RNF207: variants seen among roughly 807,000 people sequenced by gnomAD.
RNF207 encodes the protein OTTHUMG00000001089.
In RNF207, 72 loss-of-function variants were observed where a neutral mutation model predicts 79.0. That is an observed-to-expected ratio of 0.91 (90% CI 0.75 to 1.11). The LOEUF is 1.11. RNF207 is among the 50% of genes least tolerant of loss of function. RNF207 has a pLI of 0.00. For synonymous variants in RNF207, 348 were observed against 366.2 expected (o/e 0.95, Z 0.57); for missense variants, 936 against 855.8 (o/e 1.09, Z -1.17).
intron 10 of RNF207, 50 bp downstream of exon 10, chr1:6,210,488 C>G (rs2100930616): frequency 6.7e-7 from 1 of 1,483,238 alleles, no homozygotes; most frequent in East Asian, 2.3e-5. Flanking sequence ...AGGAGCCCAC[C>G]CTGCAGACCA....
rs1281509941 is a variant in RNF207 at position 6,214,816 on chromosome 1, A to T, written c.1652+1633A>T. On this transcript the variant is annotated intron_variant, in intron 16 of 17. Transcript: ENST00000377939. ...CGCCTGGCTAATTTTTTGTATTTTT[A>T]GTAGAGACGGGGGTTTCACCATGTT... is the stretch of plus-strand genomic sequence containing the variant. Among the ~76,000 whole-genome samples the T allele has an allele frequency of 6.6e-5, 10 of 150,404 alleles. No homozygotes were observed. In the South Asian group the frequency reaches 1.9e-3, roughly 29 times the overall value.
Position 6,218,378 on chromosome 1 carries a change from AGT to A in RNF207, c.1733+10_1733+11del. ...AACGCGGCCTCAGCCAGGTAAAGCA[AGT>A]CTCTCCACTGGAGAGTGTGCACGCG... On this transcript the variant is annotated intron_variant, in intron 17 of 17. Coordinates refer to ENST00000377939, the MANE Select transcript of RNF207 (RefSeq NM_207396.3). 1 of 1,604,988 alleles carries A rather than the reference AGT, an allele frequency of 6.2e-7. No homozygotes were observed. The highest frequency in any genetic ancestry group is 8.5e-7 in the Non-Finnish European group (1 of 1,172,006).
chr1:6,218,512 A>T lies in RNF207; in HGVS notation c.1733+143A>T. On this transcript the variant is annotated intron_variant, in intron 17 of 17. Transcript: ENST00000377939. ...GCCTCTTTGTAAAACAAGGGGTCAGAGAGGCTCTCAGCCCAGATGAGTAAC... is the reference window on the plus strand; with the variant it reads ...GCCTCTTTGTAAAACAAGGGGTCAGTGAGGCTCTCAGCCCAGATGAGTAAC... 8.1e-6 allele frequency: 5 copies of T among 620,514 alleles called. No homozygotes were observed. In the South Asian group the frequency reaches 1.0e-4, roughly 12 times the overall value. 38.4% of individuals were successfully genotyped at this position (620,514 alleles called of 1,614,324 possible).
Position 6,211,009 on chromosome 1 carries a change from C to T in RNF207, c.1012-12C>T, listed in dbSNP as rs767894644. 12 of 1,605,212 alleles carry T rather than the reference C, an allele frequency of 7.5e-6. No individual in the cohort carries two copies. Among genetic ancestry groups the T allele is most frequent in the Non-Finnish European group, 9.4e-6 (11 of 1,176,402 alleles). On this transcript the variant is annotated splice_polypyrimidine_tract_variant and intron_variant, in intron 11 of 17. Coordinates refer to ENST00000377939, the MANE Select transcript of RNF207 (RefSeq NM_207396.3). The surrounding 1 kb of genome is among the most constrained non-coding windows in gnomAD (Gnocchi z 4.2). The stretch of plus-strand genomic sequence containing the variant: ...AGTGGAGGCCACCTCATGACCCCAT[C>T]CCGCTGCCCAGATTGCCAGTGACCA...
chr1:6,210,979 A>G (rs1174878818), intron 11 of RNF207, 41 bp downstream of exon 11: 1 of 1,597,810 alleles, frequency 6.3e-7, no homozygotes, highest in Admixed American at 1.7e-5. Context: ...GGGGCCCTGC[A>G]GGGCAGTGGA....
intron 13 of RNF207, 61 bp downstream of exon 13, chr1:6,212,114 C>A: frequency 6.5e-7 from 1 of 1,544,492 alleles, no homozygotes; most frequent in Non-Finnish European, 8.8e-7. Context: ...CACCAAGGTA[C>A]GCTCAGGGAA....
intron 16 of RNF207, among the ~76,000 whole-genome samples, chr1:6,216,894 G>A (rs1473136485): frequency 6.6e-6 from 1 of 151,934 alleles, no homozygotes; most frequent in Non-Finnish European, 1.5e-5. Context: ...TTTAAAGACA[G>A]GGTCTTTCCC....
rs765618061 is a variant in RNF207, at chr1:6,210,423, C to T, written c.927C>T (p.Phe309=). 1 of 1,613,384 alleles carries T rather than the reference C, an allele frequency of 6.2e-7. No homozygotes were observed. Among genetic ancestry groups the T allele is most frequent in the Non-Finnish European group, 8.5e-7 (1 of 1,179,814 alleles). Residue 309 remains phenylalanine, a synonymous_variant, in exon 10 of 18, where the codon TTC becomes TTT. Coordinates refer to ENST00000377939, the MANE Select transcript of RNF207 (RefSeq NM_207396.3). ...TCAGCTTGGCCAACAAGGCTGAGTTCCTGGACCTGGGCTATGTGAGTCTCC... is the reference window on the plus strand; with the variant it reads ...TCAGCTTGGCCAACAAGGCTGAGTTTCTGGACCTGGGCTATGTGAGTCTCC... The part of the protein sequence containing the change: ...SFLSLANKAE[F]LDLGYELMER...
rs898258342 is a variant in RNF207 at position 6,207,039 on chromosome 1, A to C, written c.191+313A>C. On this transcript the variant is annotated intron_variant, in intron 2 of 17. Coordinates refer to ENST00000377939, the MANE Select transcript of RNF207 (RefSeq NM_207396.3). This position sits in a 1 kb window ranked among gnomAD's most constrained non-coding sequence, Gnocchi z 4.5. ...CCGGTTACTCGCTTGGGGGTCCTAG[A>C]AGTCTTAGGTCCACAAAACCACAGT... Among the ~76,000 whole-genome samples the C allele has an allele frequency of 9.8e-5, 10 of 102,492 alleles. No individual in the cohort carries two copies. Among genetic ancestry groups the C allele is most frequent in the African/African-American group, 2.7e-4 (10 of 37,224 alleles). 67.2% of individuals were successfully genotyped at this position (102,492 alleles called of 152,430 possible). A position where few individuals can be genotyped will look rare whatever the true frequency, so the allele number is the denominator to read the frequency against.
Position 6,211,800 on chromosome 1 carries a change from G to A in RNF207, c.1110-67G>A. 2.5e-6 allele frequency: 3 copies of A among 1,219,944 alleles called. No homozygotes were observed. Among genetic ancestry groups the A allele is most frequent in the Non-Finnish European group, 2.3e-6 (2 of 861,542 alleles). 75.6% of individuals were successfully genotyped at this position (1,219,944 alleles called of 1,614,324 possible). A position where few individuals can be genotyped will look rare whatever the true frequency, so the allele number is the denominator to read the frequency against. Reference sequence around the variant, plus strand: ...AGATCCCGGAGCAGTCCAGGGGGCTGCCCTGGGAGGCTGGGGGAGGGGCAG... The same window carrying A: ...AGATCCCGGAGCAGTCCAGGGGGCTACCCTGGGAGGCTGGGGGAGGGGCAG... On this transcript the variant is annotated intron_variant, in intron 12 of 17. Transcript: ENST00000377939. The surrounding 1 kb of genome is among the most constrained non-coding windows in gnomAD (Gnocchi z 4.2).
At chr1:6,210,837 T>A in intron 10 of RNF207, 33 bp from the exon 11 acceptor site, 1 of 1,565,740 alleles carries the variant, frequency 6.4e-7, no homozygotes, top group East Asian at 2.3e-5. Flanking sequence ...CTGCCACACC[T>A]CCACCGGCCT....
intron 16 of RNF207, among the ~76,000 whole-genome samples, chr1:6,215,699 C>T (rs759617536): frequency 1.3e-5 from 2 of 152,040 alleles, no homozygotes; most frequent in Non-Finnish European, 2.9e-5. Flanking sequence ...CTCGCTCTGC[C>T]GCCCAGGCTG....
In RNF207 at chr1:6,211,807, G is replaced by A. The variant is rs1348684633; in HGVS notation, c.1110-60G>A. 1 of 1,305,390 alleles carries A rather than the reference G, an allele frequency of 7.7e-7. No homozygotes were observed. Among genetic ancestry groups the A allele is most frequent in the Non-Finnish European group, 1.1e-6 (1 of 937,664 alleles). 80.9% of individuals were successfully genotyped at this position (1,305,390 alleles called of 1,614,324 possible). On this transcript the variant is annotated intron_variant, in intron 12 of 17. Coordinates refer to ENST00000377939, the MANE Select transcript of RNF207 (RefSeq NM_207396.3). The surrounding 1 kb of genome is among the most constrained non-coding windows in gnomAD (Gnocchi z 4.2). ...GGAGCAGTCCAGGGGGCTGCCCTGG[G>A]AGGCTGGGGGAGGGGCAGACTTCCC...
rs1485416655 is a variant in RNF207 at position 6,221,127 on chromosome 1, A to C, written c.*1720A>C. The C allele has an allele frequency of 6.6e-6, 1 of 152,534 alleles. No homozygotes were observed. Among genetic ancestry groups the C allele is most frequent in the Admixed American group, 6.5e-5 (1 of 15,278 alleles). 9.4% of individuals were successfully genotyped at this position (152,534 alleles called of 1,614,324 possible). On this transcript the variant is annotated 3_prime_UTR_variant, in exon 18 of 18. Transcript: ENST00000377939. Reference sequence around the variant, plus strand: ...CCAAACACACGTCGTTTGAGGCTAAAGGCTTAAGACGCTTCTTACCCAAGA... The same window carrying C: ...CCAAACACACGTCGTTTGAGGCTAACGGCTTAAGACGCTTCTTACCCAAGA...
At chr1:6,216,405 G>T (rs1338827924) in intron 16 of RNF207, among the ~76,000 whole-genome samples, 10 of 152,148 alleles carry the variant, frequency 6.6e-5, no homozygotes, top group Non-Finnish European at 1.3e-4. Flanking sequence ...CCACTTTGTG[G>T]ATGTCTGCAG....
Position 6,207,502 on chromosome 1 carries a change from C to T in RNF207, c.315C>T (p.Cys105=). 6.2e-7 allele frequency: 1 copy of T among 1,602,914 alleles called. No homozygotes were observed. Among genetic ancestry groups the T allele is most frequent in the Non-Finnish European group, 8.5e-7 (1 of 1,175,370 alleles). Residue 105 remains cysteine (C), a synonymous_variant, in exon 3 of 18, where the codon TGC becomes TGT. Coordinates refer to ENST00000377939, the MANE Select transcript of RNF207 (RefSeq NM_207396.3). The surrounding 1 kb of genome is among the most constrained non-coding windows in gnomAD (Gnocchi z 4.5). The part of the protein sequence containing the change: ...AVRCANCDLE[C]SEQDVETTYF... ...GCTGTGCCAACTGTGACCTGGAGTG[C>T]AGCGAGCAGGCAGGGGCGGCAGGGC... is the stretch of plus-strand genomic sequence containing the variant.
chr1:6,212,663 T>A lies in RNF207; in HGVS notation c.1483-19T>A. The A allele has an allele frequency of 6.2e-7, 1 of 1,610,654 alleles. No homozygotes were observed. The highest frequency in any genetic ancestry group is 8.5e-7 in the Non-Finnish European group (1 of 1,176,910). On this transcript the variant is annotated intron_variant, in intron 14 of 17. Transcript: ENST00000377939. The stretch of plus-strand genomic sequence containing the variant: ...ATTCAGCTCACTGCCACATCCAATG[T>A]CCAGCTTTTCTCTTTCAGATTTGGG...
rs1323369376 is a variant in RNF207, at chr1:6,213,266, A to T, written c.1652+83A>T. On this transcript the variant is annotated intron_variant, in intron 16 of 17. Coordinates refer to ENST00000377939, the MANE Select transcript of RNF207 (RefSeq NM_207396.3). ...CTGGGTGCGGTGGCTCACGCCTGTA[A>T]TCCTAACACTTCGGGAGGCTGAGGT... 2.3e-5 allele frequency: 20 copies of T among 857,402 alleles called. No homozygotes were observed. In the South Asian group the frequency reaches 2.8e-4, roughly 12 times the overall value. 53.1% of individuals were successfully genotyped at this position (857,402 alleles called of 1,614,324 possible).
intron 3 of RNF207, chr1:6,208,571 T>A: frequency 3.0e-6 from 1 of 336,860 alleles, no homozygotes; most frequent in South Asian, 4.3e-5. Context: ...CCTCCCAAAT[T>A]GTTGGGATTA....
Sources: gnomAD v4.1 joint callset for allele counts (sites outside exome capture counted in the v4.1 genomes callset) on GRCh38, gnomAD v4.1.1 for gene constraint, Gnocchi (gnomAD v3.1) non-coding constraint, MANE v1.5 for transcripts, NCBI Gene and HGNC (gene_info 2026-07-23, HGNC 2026-07-21) for gene names.